UBA2: variants seen among roughly 807,000 people sequenced by gnomAD.
UBA2 encodes the protein ubiquitin like modifier activating enzyme 2.
In UBA2, 11 loss-of-function variants were observed where a neutral mutation model predicts 77.2. The ratio of observed to expected loss-of-function variants is 0.14; its 90% CI spans 0.09 to 0.24. UBA2 has a LOEUF of 0.24. Among genes scored for constraint, UBA2 ranks in the 10% least tolerant of loss-of-function variants. The pLI is 1.00. For missense variants in UBA2, 487 were observed against 781.7 expected (o/e 0.62, Z 4.50); for synonymous variants, 278 against 276.7 (o/e 1.00, Z -0.05).
rs1303773127 is a variant in UBA2, at chr19:34,458,893, A to G, written c.1370A>G (p.His457Arg). The change falls in exon 13 of 17, where the codon CAT (histidine) becomes CGT (arginine). Residue 457 changes from histidine (H) to arginine (R), a missense_variant. His to Arg is a conservative substitution (Grantham distance 29, BLOSUM62 0). Around this residue, in one of 9 missense-constraint regions of UBA2, gnomAD observed 300 missense variants for 454.3 expected, o/e 0.66. Transcript: ENST00000246548. ...GAGGTGACTGTGCGGCTGAATGTCC[A>G]TAAAGTGACTGTTCTCACCTTACAA... ...KPEVTVRLNVHKVTVLTLQDK... is the reference protein window; with the variant it reads ...KPEVTVRLNVRKVTVLTLQDK... 3 of 1,614,098 alleles carry G rather than the reference A, an allele frequency of 1.9e-6. No homozygotes were observed. The highest frequency in any genetic ancestry group is 1.1e-5 in the South Asian group (1 of 91,058).
intron 15 of UBA2, among the ~76,000 whole-genome samples, chr19:34,464,946 T>G (rs1490661940): frequency 6.6e-6 from 1 of 151,966 alleles, no homozygotes; most frequent in East Asian, 1.9e-4. Flanking sequence ...GGCGCATGCC[T>G]GTAATCCCAG....
chr19:34,448,985 C>T (rs2075461913), intron 8 of UBA2, among the ~76,000 whole-genome samples: 1 of 151,652 alleles, frequency 6.6e-6, no homozygotes, highest in Admixed American at 6.6e-5. Context: ...ATAGTGGATT[C>T]ATCTCCTTGC....
intron 12 of UBA2, among the ~76,000 whole-genome samples, chr19:34,455,969 G>A (rs1045254503): frequency 6.6e-6 from 1 of 151,560 alleles, no homozygotes; most frequent in African/African-American, 2.4e-5. Context: ...AACTGATGGG[G>A]TCTTGCTATG....
intron 14 of UBA2, among the ~76,000 whole-genome samples, chr19:34,461,871 A>T (rs866795171): frequency 1.8e-4 from 28 of 152,338 alleles, no homozygotes; most frequent in Middle Eastern, 3.4e-3. Flanking sequence ...GCTTTGTGAA[A>T]CGGAGGGGGA....
rs1192688683 is a variant in UBA2, at chr19:34,428,393, T to TCCCGCC, written c.-39_-34dup. On this transcript the variant is annotated 5_prime_UTR_variant, in exon 1 of 17. Transcript: ENST00000246548. ...CCCGCTTCCGGCCGCGGCTCGGTTC[T>TCCCGCC]CCCGCCTCCGCCTCCGCCGCGGCTC... 8.1e-6 allele frequency: 10 copies of TCCCGCC among 1,233,716 alleles called. No individual in the cohort carries two copies. The East Asian group carries it at 1.9e-4, about 23-fold the overall frequency. The allele number at this position is 1,233,716 out of a possible 1,614,324, so 76.4% of individuals were successfully genotyped here.
At chr19:34,464,453 G>A (rs2075666246) in intron 15 of UBA2, among the ~76,000 whole-genome samples, 2 of 152,036 alleles carry the variant, frequency 1.3e-5, no homozygotes, top group South Asian at 4.2e-4. Flanking sequence ...AGCTACTTGG[G>A]AGGCTAAGGT....
intron 6 of UBA2, among the ~76,000 whole-genome samples, chr19:34,443,566 C>T (rs549602563): frequency 1.3e-5 from 2 of 151,684 alleles, no homozygotes; most frequent in Non-Finnish European, 2.9e-5. Context: ...CTCAGCTTCC[C>T]GAGTAGCTGG....
In UBA2 at chr19:34,428,473, C is replaced by T. The variant is rs2075211282; in HGVS notation, c.41C>T (p.Ala14Val). Residue 14 changes from alanine to valine, a missense_variant, in exon 1 of 17, where the codon GCG becomes GTG. Coordinates refer to ENST00000246548, the MANE Select transcript of UBA2 (RefSeq NM_005499.3). ...GGGCTGCCCCGGGAGCTGGCTGAGG[C>T]GGTGGCCGGGGGCCGGGTGCTGGTG... is the stretch of plus-strand genomic sequence containing the variant. ...SRGLPRELAEAVAGGRVLVVG... is the reference protein window; with the variant it reads ...SRGLPRELAEVVAGGRVLVVG... 1 of 1,290,740 alleles carries T rather than the reference C, an allele frequency of 7.7e-7. No homozygotes were observed. Among genetic ancestry groups the T allele is most frequent in the Non-Finnish European group, 9.9e-7 (1 of 1,013,704 alleles). 80.0% of individuals were successfully genotyped at this position (1,290,740 alleles called of 1,614,324 possible).
At chr19:34,457,797 C>T (rs2145555479) in intron 12 of UBA2, among the ~76,000 whole-genome samples, 1 of 152,294 alleles carries the variant, frequency 6.6e-6, no homozygotes, top group Admixed American at 6.5e-5. Context: ...TCTGTTGGAT[C>T]TTGCTAGTGT....
rs2075721988 is a variant in UBA2, at chr19:34,469,845, A to G, written c.*624A>G. On this transcript the variant is annotated 3_prime_UTR_variant, in exon 17 of 17. Coordinates refer to ENST00000246548, the MANE Select transcript of UBA2 (RefSeq NM_005499.3). ...ATTCGATGTTTTGTAAAACTCAAAT[A>G]ACGACTATACTTATGGACCAAATAA... 1.3e-5 allele frequency: 2 copies of G among 152,650 alleles called. No individual in the cohort carries two copies. Among genetic ancestry groups the G allele is most frequent in the African/African-American group, 4.8e-5 (2 of 41,452 alleles). The allele number at this position is 152,650 out of a possible 1,614,324, so 9.5% of individuals were successfully genotyped here.
In UBA2 at chr19:34,449,065, C is replaced by CTTT. The variant is rs11332668; in HGVS notation, c.772-1179_772-1177dup. 3.3e-3 allele frequency among the ~76,000 whole-genome samples: 243 copies of CTTT among 73,840 alleles called. 8 individuals are homozygous for CTTT. The highest frequency in any genetic ancestry group is 0.011 in the African/African-American group (207 of 18,572). 48.4% of individuals were successfully genotyped at this position (73,840 alleles called of 152,430 possible). A position where few individuals can be genotyped will look rare whatever the true frequency, so the allele number is the denominator to read the frequency against. On this transcript the variant is annotated intron_variant, in intron 8 of 16. Coordinates refer to ENST00000246548, the MANE Select transcript of UBA2 (RefSeq NM_005499.3). ...CTTATTTCTTAGATAAAATATAAAT[C>CTTT]TTTTTTTTTTTTTTTTTTTTTTTGA...
chr19:34,466,924 C>G lies in UBA2; in HGVS notation c.1651C>G (p.Pro551Ala). Residue 551 changes from proline to alanine, a missense_variant, in exon 16 of 17, where the codon CCG becomes GCG. By Grantham distance (27) the Pro-to-Ala change is conservative (BLOSUM62 -1). This residue lies in a region of UBA2 where 300 missense variants were observed against 454.3 expected (regional missense o/e 0.66). Transcript: ENST00000246548. ...TGAATTTGAAGTTGTTGGTGATGCC[C>G]CGGAAAAAGTGGGGCCCAAACAAGC... ...DVEFEVVGDA[P>A]EKVGPKQAED... 1 of 1,613,590 alleles carries G rather than the reference C, an allele frequency of 6.2e-7. No homozygotes were observed. Among genetic ancestry groups the G allele is most frequent in the Non-Finnish European group, 8.5e-7 (1 of 1,180,000 alleles).
chr19:34,441,298 A>T (rs1011412093), intron 6 of UBA2, among the ~76,000 whole-genome samples: 1 of 151,606 alleles, frequency 6.6e-6, no homozygotes, highest in African/African-American at 2.4e-5. Context: ...TACTACAAAT[A>T]AAAAAAATTA....
chr19:34,434,793 G>T, intron 4 of UBA2, 75 bp from the exon 5 acceptor site: 1 of 1,106,330 alleles, frequency 9.0e-7, no homozygotes, highest in Non-Finnish European at 1.3e-6. Context: ...AGATAGTTTT[G>T]AGTCTGTGTC....
intron 5 of UBA2, among the ~76,000 whole-genome samples, chr19:34,435,754 T>A (rs1173326129): frequency 6.6e-6 from 1 of 151,150 alleles, no homozygotes; most frequent in African/African-American, 2.4e-5. Context: ...TGCTTGAACC[T>A]CGGAGGTGGA....
intron 16 of UBA2, among the ~76,000 whole-genome samples, chr19:34,467,985 T>C (rs1262245597): frequency 6.6e-6 from 1 of 152,216 alleles, no homozygotes; most frequent in Non-Finnish European, 1.5e-5. Flanking sequence ...AGGTGCTTGT[T>C]AAGTATGGAA....
At chr19:34,460,350 G>T in intron 13 of UBA2, 120 bp from the exon 14 acceptor site, 2 of 692,142 alleles carry the variant, frequency 2.9e-6, no homozygotes, top group East Asian at 2.7e-5. Context: ...CTTGAAGAGT[G>T]ACTTCGCCGG....
intron 8 of UBA2, among the ~76,000 whole-genome samples, chr19:34,448,098 T>C (rs111992843): frequency 1.3e-5 from 2 of 152,260 alleles, no homozygotes; most frequent in African/African-American, 4.8e-5. Context: ...AAGGTGGTCT[T>C]ACAGGATCAC....
chr19:34,457,723 A>G (rs2145555338), intron 12 of UBA2, among the ~76,000 whole-genome samples: 1 of 152,262 alleles, frequency 6.6e-6, no homozygotes, highest in East Asian at 1.9e-4. Context: ...CAGACTCAAC[A>G]CTACATTGTA....
Sources: gnomAD v4.1 joint callset for allele counts (sites outside exome capture counted in the v4.1 genomes callset) on GRCh38, gnomAD v4.1.1 for gene constraint, gnomAD v4.1.1 regional missense constraint, MANE v1.5 for transcripts, NCBI Gene and HGNC (gene_info 2026-07-23, HGNC 2026-07-21) for gene names.